The following CLDN14 variants were observed in gnomAD, a reference collection of about 807,000 sequenced individuals.
The protein encoded by CLDN14 is claudin-14.
Under a neutral mutation model 2.1 loss-of-function variants are expected in CLDN14, and 2 were observed. The observed-to-expected ratio is 0.96, with a 90% confidence interval of 0.39 to 3.01. CLDN14 has a LOEUF of 3.01. CLDN14 is among the 30% of genes most tolerant of loss of function. CLDN14 has a pLI of 0.09. For missense variants in CLDN14, 298 were observed against 328.0 expected, an observed-to-expected ratio of 0.91 and a Z score of 0.71; for synonymous variants, 136 against 154.4, an observed-to-expected ratio of 0.88 and a Z score of 0.88.
chr21:36,551,720 A>G lies in CLDN14; in HGVS notation c.-220+24691T>C, dbSNP rs1282350450. Among the ~76,000 whole-genome samples the G allele has an allele frequency of 6.6e-6, 1 of 152,174 alleles. No individual in the cohort carries two copies. The highest frequency in any genetic ancestry group is 1.5e-5 in the Non-Finnish European group (1 of 68,042). Reference sequence around the variant, plus strand: ...GCCATCTCTAGGTTAGCTGTGCTGTAGGATCACAGCAGGGGGACAAATTTT... The same window carrying G: ...GCCATCTCTAGGTTAGCTGTGCTGTGGGATCACAGCAGGGGGACAAATTTT... On this transcript the variant is annotated intron_variant, in intron 1 of 2. Coordinates refer to the CLDN14 transcript ENST00000342108. The surrounding 1 kb of genome is among the most constrained non-coding windows in gnomAD (Gnocchi z 4.8).
At chr21:36,469,399 A>G (rs2086683434) in intron 1 of CLDN14, among the ~76,000 whole-genome samples, 1 of 152,200 alleles carries the variant, frequency 6.6e-6, no homozygotes, top group Non-Finnish European at 1.5e-5. Context: ...CCATCCGCAT[A>G]GAGTCTTTGA....
chr21:36,547,351 T>C (rs1331326451), intron 1 of CLDN14, among the ~76,000 whole-genome samples: 1 of 152,218 alleles, frequency 6.6e-6, no homozygotes, highest in African/African-American at 2.4e-5. Context: ...TCTTACCTAC[T>C]TGAAATACAT....
At chr21:36,502,287 C>G (rs9979731) in intron 2 of CLDN14, among the ~76,000 whole-genome samples, 127,383 of 152,168 alleles carry the variant, frequency 0.84, 54,068 homozygotes, top group Non-Finnish European at 0.91. Context: ...AAATGAACAG[C>G]GTCCTTTCTT....
chr21:36,501,368 T>TTTTTTTA (rs1601614064), intron 2 of CLDN14, among the ~76,000 whole-genome samples: 5 of 117,808 alleles, frequency 4.2e-5, no homozygotes, highest in South Asian at 2.7e-4. Context: ...TTTTTTTTTT[T>TTTTTTTA]AGAAAAGTGA....
intron 2 of CLDN14, among the ~76,000 whole-genome samples, chr21:36,488,794 A>T (rs2086927522): frequency 6.6e-6 from 1 of 152,056 alleles, no homozygotes; most frequent in Non-Finnish European, 1.5e-5. Flanking sequence ...AAATGGCTGA[A>T]ATAGCACATT....
intron 2 of CLDN14, among the ~76,000 whole-genome samples, chr21:36,508,327 C>A (rs1049440990): frequency 7.9e-5 from 12 of 152,114 alleles, no homozygotes; most frequent in Non-Finnish European, 1.2e-4. Context: ...ACTTTCCAGG[C>A]AGCTCAAGTT....
At chr21:36,541,583 G>A (rs992949980) in intron 1 of CLDN14, among the ~76,000 whole-genome samples, 5 of 152,142 alleles carry the variant, frequency 3.3e-5, no homozygotes, top group Non-Finnish European at 4.4e-5. Flanking sequence ...TTTCAACTTC[G>A]AAAGCATTTT....
chr21:36,576,212 A>T (rs1270660206), intron 1 of CLDN14, among the ~76,000 whole-genome samples: 1 of 152,172 alleles, frequency 6.6e-6, no homozygotes, highest in African/African-American at 2.4e-5. Flanking sequence ...ATTGACACCC[A>T]ATCTACTCAT....
intron 2 of CLDN14, among the ~76,000 whole-genome samples, chr21:36,489,555 G>A (rs569457071): frequency 1.6e-4 from 25 of 152,264 alleles, no homozygotes; most frequent in East Asian, 1.6e-3. Context: ...ACGGGACGAG[G>A]CAGCTGAGTA....
At chr21:36,468,120 G>A (rs2086668469) in intron 1 of CLDN14, among the ~76,000 whole-genome samples, 2 of 152,226 alleles carry the variant, frequency 1.3e-5, no homozygotes, top group Admixed American at 6.5e-5. Context: ...TTTGCTTTCT[G>A]TAAACTTATT....
Position 36,538,950 on chromosome 21 carries a change from G to A in CLDN14, c.-219-28450C>T, listed in dbSNP as rs532664243. Among the ~76,000 whole-genome samples, 13 of 152,270 alleles carry A rather than the reference G, an allele frequency of 8.5e-5. No homozygotes were observed. In the East Asian group the frequency reaches 2.3e-3, roughly 27 times the overall value. On this transcript the variant is annotated intron_variant, in intron 1 of 2. Transcript: ENST00000342108. ...AGGAGTCCCAGTCGCGCCCCTGCCCGGCACACCCACACACAGAGCTTGCTT... is the reference window on the plus strand; with the variant it reads ...AGGAGTCCCAGTCGCGCCCCTGCCCAGCACACCCACACACAGAGCTTGCTT...
In CLDN14 at chr21:36,551,965, A is replaced by G. The variant is rs2087566206; in HGVS notation, c.-220+24446T>C. Among the ~76,000 whole-genome samples the G allele has an allele frequency of 6.6e-6, 1 of 152,168 alleles. No individual in the cohort carries two copies. Among genetic ancestry groups the G allele is most frequent in the African/African-American group, 2.4e-5 (1 of 41,446 alleles). Reference sequence around the variant, plus strand: ...CTGTTGAGGGTGGGAGGAAGTAGGAAAGGAGGTGGTTTCATGTGAGATTTC... The same window carrying G: ...CTGTTGAGGGTGGGAGGAAGTAGGAGAGGAGGTGGTTTCATGTGAGATTTC... On this transcript the variant is annotated intron_variant, in intron 1 of 2. Transcript: ENST00000342108. This position sits in a 1 kb window ranked among gnomAD's most constrained non-coding sequence, Gnocchi z 4.8.
intron 1 of CLDN14, among the ~76,000 whole-genome samples, chr21:36,552,717 C>A (rs1415708632): frequency 4.3e-5 from 4 of 92,184 alleles, no homozygotes; most frequent in African/African-American, 1.3e-4. Context: ...AACAAAAAAT[C>A]TTCCTGAATT....
intron 1 of CLDN14, among the ~76,000 whole-genome samples, chr21:36,462,998 G>A (rs545419730): frequency 6.6e-6 from 1 of 151,826 alleles, no homozygotes; most frequent in East Asian, 1.9e-4. Flanking sequence ...AGAAGAGGAG[G>A]GAGGGAGGAA....
At chr21:36,560,159 T>C (rs1009034313) in intron 1 of CLDN14, among the ~76,000 whole-genome samples, 1 of 152,170 alleles carries the variant, frequency 6.6e-6, no homozygotes. Flanking sequence ...TCAAAATCTT[T>C]AGGCTCAAAT....
intron 1 of CLDN14, among the ~76,000 whole-genome samples, chr21:36,527,232 C>A (rs1327242713): frequency 6.6e-6 from 1 of 152,126 alleles, no homozygotes; most frequent in East Asian, 1.9e-4. Context: ...TGAAAAATTG[C>A]CAACTTCTCA....
chr21:36,468,343 G>A (rs559541034), intron 1 of CLDN14, among the ~76,000 whole-genome samples: 18 of 152,264 alleles, frequency 1.2e-4, no homozygotes, highest in Admixed American at 2.6e-4. Context: ...TTGGGAGGCT[G>A]AGGTGGGCAG....
intron 1 of CLDN14, among the ~76,000 whole-genome samples, chr21:36,570,761 A>AT (rs1198509225): frequency 6.6e-6 from 1 of 152,150 alleles, no homozygotes; most frequent in South Asian, 2.1e-4. Flanking sequence ...GTGTGTTTAA[A>AT]TTTTTTTACA....
rs1227029447 is a variant in CLDN14, at chr21:36,460,930, G to T, written c.*46C>A. On this transcript the variant is annotated 3_prime_UTR_variant, in exon 2 of 2. Coordinates refer to ENST00000399135, the MANE Select transcript of CLDN14 (RefSeq NM_001146079.2). The surrounding 1 kb of genome is among the most constrained non-coding windows in gnomAD (Gnocchi z 4.0). ...CCTGCCTCCATTGACAGTCCCGCCG[G>T]GGACCCAGCCCACAGCAGCCCAGGG... 1 of 1,596,650 alleles carries T rather than the reference G, an allele frequency of 6.3e-7. No homozygotes were observed.
Sources: gnomAD v4.1 joint callset for allele counts (sites outside exome capture counted in the v4.1 genomes callset) on GRCh38, gnomAD v4.1.1 for gene constraint, Gnocchi (gnomAD v3.1) non-coding constraint, MANE v1.5 for transcripts, NCBI Gene and HGNC (gene_info 2026-07-23, HGNC 2026-07-21) for gene names.